Variants in NOP9 observed in about 807,000 individuals in gnomAD.
NOP9 encodes NOP9 nucleolar protein.
NOP9 carries 50 observed loss-of-function variants against 63.0 expected under a neutral mutation model. The observed-to-expected ratio is 0.79, with a 90% confidence interval of 0.63 to 1.00. NOP9 has a LOEUF of 1.00. NOP9 is among the 50% of genes least tolerant of loss of function. The pLI, the probability that NOP9 is intolerant of heterozygous loss-of-function variation, is 0.00. For missense variants in NOP9, 758 were observed against 803.0 expected, an observed-to-expected ratio of 0.94 and a Z score of 0.68; for synonymous variants, 343 against 332.8, an observed-to-expected ratio of 1.03 and a Z score of -0.33.
rs906673629 is a variant in NOP9, at chr14:24,305,190, GT to G, written c.*96del. 10 of 1,208,354 alleles carry G rather than the reference GT, an allele frequency of 8.3e-6. No individual in the cohort carries two copies. The African/African-American group carries it at 1.6e-4, about 19-fold the overall frequency. The allele number at this position is 1,208,354 out of a possible 1,614,324, so 74.9% of individuals were successfully genotyped here. A position where few individuals can be genotyped will look rare whatever the true frequency, so the allele number is the denominator to read the frequency against. ...GTTTAAATTGGAGTCAGAAGTCTTA[GT>G]GGTAAATATTTGATATTTTTATTGG... On this transcript the variant is annotated 3_prime_UTR_variant, in exon 10 of 10. Transcript: ENST00000267425.
At chr14:24,276,276 C>A in the NOP9 span, among the ~76,000 whole-genome samples, 2 of 150,436 alleles carry the variant, frequency 1.3e-5, no homozygotes, top group African/African-American at 4.9e-5. Flanking sequence ...ACATGGGAGG[C>A]TGAGGCAGGA....
the NOP9 span, among the ~76,000 whole-genome samples, chr14:24,276,383 A>AG: frequency 6.6e-6 from 1 of 151,852 alleles, no homozygotes; most frequent in Admixed American, 6.6e-5. Flanking sequence ...TCTCAAAAAA[A>AG]AAAAAAAAAT....
Position 24,304,516 on chromosome 14 carries a change from T to C in NOP9, c.1671T>C (p.Cys557=), listed in dbSNP as rs1290729902. 1.9e-6 allele frequency: 3 copies of C among 1,612,588 alleles called. No individual in the cohort carries two copies. Among genetic ancestry groups the C allele is most frequent in the South Asian group, 2.2e-5 (2 of 90,850 alleles). The change falls in exon 9 of 10, where the codon TGT becomes TGC. Residue 557 remains cysteine, a synonymous_variant. Coordinates refer to ENST00000267425, the MANE Select transcript of NOP9 (RefSeq NM_174913.3). ...AGGGACAATATGTGGCTCTGGCCTG[T>C]AGTCGCCATGGCAGCCGTGTGCTAG... is the stretch of plus-strand genomic sequence containing the variant. ...NLKGQYVALA[C]SRHGSRVLDA... is the part of the protein sequence containing the mutation.
chr14:24,298,283 C>T (rs1329472167), upstream of NOP9, among the ~76,000 whole-genome samples: 2 of 152,202 alleles, frequency 1.3e-5, no homozygotes, highest in Admixed American at 6.5e-5. Flanking sequence ...AACTGCTGGC[C>T]TCAAGTGATC....
chr14:24,302,123 A>G lies in NOP9; in HGVS notation c.950+17A>G, dbSNP rs1207485198. ...AGATGGCAGGTATGGTCAGGGCCTC[A>G]GGATCGACCCAAGTTGGCGGGGCTG... On this transcript the variant is annotated intron_variant, in intron 4 of 9. Transcript: ENST00000267425. The G allele has an allele frequency of 6.2e-7, 1 of 1,608,934 alleles. No homozygotes were observed. Among genetic ancestry groups the G allele is most frequent in the South Asian group, 1.1e-5 (1 of 90,732 alleles).
chr14:24,307,867 G>A lies in NOP9; in HGVS notation c.*2772G>A, dbSNP rs202014197. On this transcript the variant is annotated 3_prime_UTR_variant, in exon 10 of 10. Transcript: ENST00000267425. ...GCTGAGAGGTACTCCATGGTGGACC[G>A]GAGAGTTCCTTCCCTGGAACTTCTG... 1.9e-5 allele frequency: 30 copies of A among 1,585,658 alleles called. No individual in the cohort carries two copies. In the East Asian group the frequency reaches 2.5e-4, roughly 13 times the overall value.
chr14:24,290,094 C>G, the NOP9 span, among the ~76,000 whole-genome samples: 4 of 152,392 alleles, frequency 2.6e-5, no homozygotes, highest in East Asian at 7.7e-4. Context: ...CAGGCTAGGA[C>G]AGCCTCTTGC....
At position 24,305,515 on chromosome 14, in the gene NOP9, T is replaced by C; in HGVS notation, c.*420T>C. 1.1e-5 allele frequency: 14 copies of C among 1,255,884 alleles called. No individual in the cohort carries two copies. Among genetic ancestry groups the C allele is most frequent in the Non-Finnish European group, 1.6e-5 (14 of 902,498 alleles). 77.8% of individuals were successfully genotyped at this position (1,255,884 alleles called of 1,614,324 possible). A position where few individuals can be genotyped will look rare whatever the true frequency, so the allele number is the denominator to read the frequency against. Reference sequence around the variant, plus strand: ...CTGTCACGAGGGGATCAGAGGACAGTGGGGAAATTGGGTGGGTTATCTAGC... The same window carrying C: ...CTGTCACGAGGGGATCAGAGGACAGCGGGGAAATTGGGTGGGTTATCTAGC... On this transcript the variant is annotated 3_prime_UTR_variant, in exon 10 of 10. Transcript: ENST00000267425.
In NOP9 at chr14:24,300,858, G is replaced by A. The variant is rs535195419; in HGVS notation, c.697+1G>A. On this transcript the variant is annotated splice_donor_variant, in intron 2 of 9. Coordinates refer to ENST00000267425, the MANE Select transcript of NOP9 (RefSeq NM_174913.3). LOFTEE classifies it high-confidence loss of function. The stretch of plus-strand genomic sequence containing the variant: ...AGGCCCCGTGGTTCCCAATCATCTG[G>A]TAAGTATTACAAGAGGAAAGTGGAC... 1.2e-6 allele frequency: 2 copies of A among 1,610,422 alleles called. No homozygotes were observed. The highest frequency in any genetic ancestry group is 4.5e-5 in the East Asian group (2 of 44,860).
rs114216365 is a variant in NOP9, at chr14:24,301,873, A to G, written c.809-92A>G. 1.7e-4 allele frequency: 252 copies of G among 1,475,370 alleles called. No individual in the cohort carries two copies. The African/African-American group carries it at 2.9e-3, about 17-fold the overall frequency. 91.4% of individuals were successfully genotyped at this position (1,475,370 alleles called of 1,614,324 possible). A position where few individuals can be genotyped will look rare whatever the true frequency, so the allele number is the denominator to read the frequency against. ...CACTTTGTATAGTCCCTTTGTGTCC[A>G]TAGTGCCCTGTATCTTGTTGCCTAA... On this transcript the variant is annotated intron_variant, in intron 3 of 9. Transcript: ENST00000267425.
At chr14:24,296,668 G>T (rs954736310), upstream of NOP9, 10 of 1,613,558 alleles carry the variant, frequency 6.2e-6, no homozygotes, top group East Asian at 2.2e-4. Flanking sequence ...GACAATGAGT[G>T]GGGATGAAGA....
chr14:24,303,766 T>G lies in NOP9; in HGVS notation c.1319T>G (p.Val440Gly). ...FHCAEPSSRQ[V>G]ACVPLFATLM... ...TGTGCAGAGCCCTCATCCCGGCAAG[T>G]GGCCTGTGTGCCTCTCTTTGCCACT... The change falls in exon 7 of 10, where the codon GTG becomes GGG. Residue 440 changes from valine to glycine, a missense_variant. Transcript: ENST00000267425. The G allele has an allele frequency of 6.2e-7, 1 of 1,614,132 alleles. No homozygotes were observed. The highest frequency in any genetic ancestry group is 8.5e-7 in the Non-Finnish European group (1 of 1,179,958).
the NOP9 span, among the ~76,000 whole-genome samples, chr14:24,277,914 G>A: frequency 6.6e-6 from 1 of 152,306 alleles, no homozygotes; most frequent in Admixed American, 6.5e-5. Context: ...CAAATATTGG[G>A]AAATCTGAGT....
chr14:24,307,441 C>A lies in NOP9; in HGVS notation c.*2346C>A, dbSNP rs372963517. ...GATGGTCCGCTTGTGATCACAGACA[C>A]GGAAAGGTCGCTGGGGTGGTGGAGC... On this transcript the variant is annotated 3_prime_UTR_variant, in exon 10 of 10. Coordinates refer to ENST00000267425, the MANE Select transcript of NOP9 (RefSeq NM_174913.3). 2.5e-6 allele frequency: 4 copies of A among 1,613,946 alleles called. No individual in the cohort carries two copies.
chr14:24,280,666 T>G, the NOP9 span, among the ~76,000 whole-genome samples: 3 of 152,168 alleles, frequency 2.0e-5, no homozygotes, highest in Non-Finnish European at 2.9e-5. Flanking sequence ...GTCCCTGCTG[T>G]CATAGGGCTT....
chr14:24,296,446 G>T, upstream of NOP9: 1 of 1,518,884 alleles, frequency 6.6e-7, no homozygotes, highest in Non-Finnish European at 9.1e-7. Context: ...TGTAAGGAAA[G>T]GCCTGGCCGT....
At position 24,305,060 on chromosome 14, in the gene NOP9, C is replaced by A; in HGVS notation, c.1876C>A (p.Arg626=). Residue 626 remains arginine, a synonymous_variant, in exon 10 of 10, where the codon CGG becomes AGG. Coordinates refer to ENST00000267425, the MANE Select transcript of NOP9 (RefSeq NM_174913.3). ...ACAGCAGCAGGGTGCGGTGGCCAAGCGGAGGCGGGCATTGAACTCCATACT... is the reference window on the plus strand; with the variant it reads ...ACAGCAGCAGGGTGCGGTGGCCAAGAGGAGGCGGGCATTGAACTCCATACT... ...WEQQQGAVAK[R]RRALNSILED 6.3e-7 allele frequency: 1 copy of A among 1,583,774 alleles called. No homozygotes were observed. The highest frequency in any genetic ancestry group is 8.6e-7 in the Non-Finnish European group (1 of 1,164,824).
At chr14:24,273,238 G>T in the NOP9 span, among the ~76,000 whole-genome samples, 3 of 151,508 alleles carry the variant, frequency 2.0e-5, no homozygotes, top group East Asian at 5.8e-4. Flanking sequence ...GAGTGCAGTG[G>T]CACGATCTCT....
At position 24,299,876 on chromosome 14, in the gene NOP9, T is replaced by G; in HGVS notation, c.-79T>G. ...CCCGCGTTTCTAAACTTTGTCTGGA[T>G]AAGGCGCACGCTTGGCGACGTCGAA... is the stretch of plus-strand genomic sequence containing the variant. On this transcript the variant is annotated 5_prime_UTR_variant, in exon 1 of 10. Coordinates refer to ENST00000267425, the MANE Select transcript of NOP9 (RefSeq NM_174913.3). 3.4e-6 allele frequency: 5 copies of G among 1,472,962 alleles called. No individual in the cohort carries two copies. The highest frequency in any genetic ancestry group is 4.5e-6 in the Non-Finnish European group (5 of 1,114,012). 91.2% of individuals were successfully genotyped at this position (1,472,962 alleles called of 1,614,324 possible).
Sources: allele counts gnomAD v4.1 joint callset (sites outside exome capture counted in the v4.1 genomes callset), GRCh38; gene constraint gnomAD v4.1.1; transcripts MANE v1.5; gene names NCBI Gene and HGNC (gene_info 2026-07-23, HGNC 2026-07-21).